The following IPO11 variants were observed in gnomAD, a reference collection of about 807,000 sequenced individuals.
IPO11 encodes importin-11.
IPO11 carries 66 observed loss-of-function variants against 143.2 expected under a neutral mutation model. The ratio of observed to expected loss-of-function variants is 0.46; its 90% CI spans 0.38 to 0.57. The LOEUF (loss-of-function observed/expected upper bound fraction) is 0.57. IPO11 is among the 20% of genes least tolerant of loss of function. IPO11 has a pLI of 0.00. For synonymous variants in IPO11, 385 were observed against 377.8 expected, an observed-to-expected ratio of 1.02 and a Z score of -0.22; for missense variants, 1,026 against 1,141.0, an observed-to-expected ratio of 0.90 and a Z score of 1.45.
At chr5:62,416,671 T>G (rs1044556255) in intron 1 of IPO11, among the ~76,000 whole-genome samples, 1 of 152,080 alleles carries the variant, frequency 6.6e-6, no homozygotes, top group Non-Finnish European at 1.5e-5. Flanking sequence ...TTTCAACTAG[T>G]ACTAACTTAA....
chr5:62,442,961 A>T, intron 2 of IPO11, 22 bp from the exon 3 acceptor site: 2 of 1,338,010 alleles, frequency 1.5e-6, no homozygotes, highest in Non-Finnish European at 2.1e-6. Context: ...GCTAATTCTA[A>T]TATTATGTTT....
At chr5:62,451,672 C>T (rs968384857) in intron 4 of IPO11, 58 bp from the exon 5 acceptor site, 24 of 1,266,452 alleles carry the variant, frequency 1.9e-5, no homozygotes, top group Admixed American at 5.3e-5. Flanking sequence ...GATTTGTCAC[C>T]GTGAATGCAT....
At position 62,466,698 on chromosome 5, in the gene IPO11, G is replaced by A. The variant is rs990047832; in HGVS notation, c.517-433G>A. Among the ~76,000 whole-genome samples the A allele has an allele frequency of 4.6e-5, 7 of 152,168 alleles. No homozygotes were observed. In the South Asian group the frequency reaches 6.2e-4, roughly 13 times the overall value. Reference sequence around the variant, plus strand: ...CATTAAATGTGCAAAAGCCATATGCGTAGAACTGGCAGAACACGGAAGGCT... The same window carrying A: ...CATTAAATGTGCAAAAGCCATATGCATAGAACTGGCAGAACACGGAAGGCT... On this transcript the variant is annotated intron_variant, in intron 5 of 29. Coordinates refer to ENST00000325324, the MANE Select transcript of IPO11 (RefSeq NM_016338.5).
chr5:62,576,799 C>T, intron 27 of IPO11, among the ~76,000 whole-genome samples: 1 of 152,146 alleles, frequency 6.6e-6, no homozygotes, highest in African/African-American at 2.4e-5. Context: ...ATACATGCAT[C>T]CATACAGATG....
chr5:62,494,644 T>C (rs1741069448), intron 16 of IPO11, among the ~76,000 whole-genome samples: 1 of 152,124 alleles, frequency 6.6e-6, no homozygotes, highest in South Asian at 2.1e-4. Flanking sequence ...AGCAGTAGGT[T>C]TGCTGCTTTA....
At chr5:62,592,872 A>G (rs1241128753) in intron 28 of IPO11, among the ~76,000 whole-genome samples, 1 of 152,168 alleles carries the variant, frequency 6.6e-6, no homozygotes, top group Non-Finnish European at 1.5e-5. Context: ...GGTCCCTCCC[A>G]TGACACATGG....
chr5:62,435,092 G>GTATATGTATA (rs1744132978), intron 1 of IPO11, among the ~76,000 whole-genome samples: 1 of 58,266 alleles, frequency 1.7e-5, no homozygotes, highest in Non-Finnish European at 3.7e-5. Flanking sequence ...GTGTATATAT[G>GTATATGTATA]TATATATGTA....
chr5:62,449,738 A>T, intron 3 of IPO11, 189 bp from the exon 4 acceptor site: 1 of 420,950 alleles, frequency 2.4e-6, no homozygotes, highest in Non-Finnish European at 4.3e-6. Flanking sequence ...AGTTGTTTAG[A>T]AAACTTTTTA....
chr5:62,435,469 A>G (rs374629553), intron 1 of IPO11, among the ~76,000 whole-genome samples: 28 of 151,498 alleles, frequency 1.8e-4, no homozygotes, highest in African/African-American at 6.3e-4. Context: ...CCGGTGGTGC[A>G]TGTCTGTGTT....
chr5:62,581,417 G>A (rs1744559669), intron 27 of IPO11: 1 of 842,914 alleles, frequency 1.2e-6, no homozygotes, highest in Non-Finnish European at 1.8e-6. Flanking sequence ...ATTATATGAG[G>A]TTAGCATTAT....
rs143470191 is a variant in IPO11, at chr5:62,457,395, G to A, written c.516+5462G>A. On this transcript the variant is annotated intron_variant, in intron 5 of 29. Coordinates refer to ENST00000325324, the MANE Select transcript of IPO11 (RefSeq NM_016338.5). Reference sequence around the variant, plus strand: ...GTTACTTGGGAGGCTGAGGCGGCAGGATCACTTAAGCCTAGGAGTTTGAGG... The same window carrying A: ...GTTACTTGGGAGGCTGAGGCGGCAGAATCACTTAAGCCTAGGAGTTTGAGG... Among the ~76,000 whole-genome samples, 520 of 152,144 alleles carry A rather than the reference G, an allele frequency of 3.4e-3. 4 individuals are homozygous for A. The highest frequency in any genetic ancestry group is 5.8e-3 in the Admixed American group (88 of 15,292).
rs190119717 is a variant in IPO11, at chr5:62,468,915, G to A, written c.650-1335G>A. Reference sequence around the variant, plus strand: ...AATCTCTATCTGAATTTACACTTACGTGCATTTAGTATCTTTTAGACATGG... The same window carrying A: ...AATCTCTATCTGAATTTACACTTACATGCATTTAGTATCTTTTAGACATGG... On this transcript the variant is annotated intron_variant, in intron 6 of 29. Coordinates refer to ENST00000325324, the MANE Select transcript of IPO11 (RefSeq NM_016338.5). 7.2e-5 allele frequency among the ~76,000 whole-genome samples: 11 copies of A among 152,230 alleles called. No homozygotes were observed. The South Asian group carries it at 1.5e-3, about 20-fold the overall frequency.
chr5:62,475,413 C>T (rs1156764692), intron 8 of IPO11, among the ~76,000 whole-genome samples: 1 of 152,108 alleles, frequency 6.6e-6, no homozygotes, highest in East Asian at 1.9e-4. Context: ...GTCCCAGTTA[C>T]TCAGGACGGA....
At chr5:62,533,365 C>G (rs1302713638) in intron 22 of IPO11, among the ~76,000 whole-genome samples, 2 of 152,124 alleles carry the variant, frequency 1.3e-5, no homozygotes, top group East Asian at 1.9e-4. Context: ...GTATGCACCA[C>G]TGCCCCAGCT....
intron 20 of IPO11, among the ~76,000 whole-genome samples, chr5:62,522,286 G>GA (rs1742226440): frequency 6.8e-6 from 1 of 147,696 alleles, no homozygotes; most frequent in Non-Finnish European, 1.5e-5. Flanking sequence ...TGATTGTGGT[G>GA]GGTTTTTTTT....
chr5:62,506,377 T>C lies in IPO11; in HGVS notation c.1782+20T>C. 7.4e-7 allele frequency: 1 copy of C among 1,344,850 alleles called. No homozygotes were observed. Among genetic ancestry groups the C allele is most frequent in the Non-Finnish European group, 1.1e-6 (1 of 940,280 alleles). The allele number at this position is 1,344,850 out of a possible 1,614,324, so 83.3% of individuals were successfully genotyped here. A position where few individuals can be genotyped will look rare whatever the true frequency, so the allele number is the denominator to read the frequency against. On this transcript the variant is annotated intron_variant, in intron 19 of 29. Coordinates refer to ENST00000325324, the MANE Select transcript of IPO11 (RefSeq NM_016338.5). ...ATGCAGGTAATTATATTGTAAAACA[T>C]GAAAATAAATGAGGGGTGGGTAGAA... is the stretch of plus-strand genomic sequence containing the variant.
At chr5:62,622,926 C>T (rs891756804) in intron 29 of IPO11, among the ~76,000 whole-genome samples, 3 of 152,174 alleles carry the variant, frequency 2.0e-5, no homozygotes, top group Non-Finnish European at 2.9e-5. Flanking sequence ...TTCCAAGCTT[C>T]TCAAAGGACA....
chr5:62,505,665 C>G lies in IPO11; in HGVS notation c.1666-576C>G, dbSNP rs544328482. Among the ~76,000 whole-genome samples the G allele has an allele frequency of 2.6e-4, 39 of 152,136 alleles. No homozygotes were observed. In the South Asian group the frequency reaches 5.2e-3, roughly 20 times the overall value. On this transcript the variant is annotated intron_variant, in intron 18 of 29. Coordinates refer to ENST00000325324, the MANE Select transcript of IPO11 (RefSeq NM_016338.5). ...TTTGTTAAGTTTCTAACGTAATTTT[C>G]ATAATATAAGAGTTCACAGCCAGAC...
chr5:62,612,197 G>T (rs1189875745), intron 29 of IPO11, among the ~76,000 whole-genome samples: 2 of 152,130 alleles, frequency 1.3e-5, no homozygotes, highest in African/African-American at 4.8e-5. Context: ...GCATAATTCA[G>T]TGAACCAGTA....
Sources: allele counts gnomAD v4.1 joint callset (sites outside exome capture counted in the v4.1 genomes callset), GRCh38; gene constraint gnomAD v4.1.1; transcripts MANE v1.5; gene names NCBI Gene and HGNC (gene_info 2026-07-23, HGNC 2026-07-21).